Variants in ZNF692 observed in about 807,000 individuals in gnomAD.
The protein encoded by ZNF692 is AICAR responsive element binding protein.
ZNF692 carries 41 observed loss-of-function variants against 49.0 expected under a neutral mutation model. The observed-to-expected ratio is 0.84, with a 90% CI of 0.65 to 1.08. ZNF692 has a LOEUF of 1.08. Ranked by LOEUF, ZNF692 falls within the 50% of genes least tolerant of loss-of-function variation. The pLI, the probability that ZNF692 is intolerant of heterozygous loss-of-function variation, is 0.00. For synonymous variants in ZNF692, 288 were observed against 251.5 expected, an observed-to-expected ratio of 1.15 and a Z score of -1.37; for missense variants, 662 against 662.2, an observed-to-expected ratio of 1.00 and a Z score of 0.00.
At chr1:248,856,944 C>A (rs1660309976) in intron 4 of ZNF692, among the ~76,000 whole-genome samples, 1 of 152,178 alleles carries the variant, frequency 6.6e-6, no homozygotes, top group African/African-American at 2.4e-5. Context: ...CCATAGGCAA[C>A]CTGGTTTTCT....
Position 248,858,100 on chromosome 1 carries a change from C to T in ZNF692, c.179+31G>A, listed in dbSNP as rs780725477. The T allele has an allele frequency of 6.4e-7, 1 of 1,553,502 alleles. No homozygotes were observed. The highest frequency in any genetic ancestry group is 8.7e-7 in the Non-Finnish European group (1 of 1,153,158). Reference sequence around the variant, plus strand: ...AGGCTAGGGGCTGCTGCCTGGGTACCCTCCCCCAAGCCCTTCTCCCGGCCC... The same window carrying T: ...AGGCTAGGGGCTGCTGCCTGGGTACTCTCCCCCAAGCCCTTCTCCCGGCCC... On this transcript the variant is annotated intron_variant, in intron 2 of 11. Transcript: ENST00000306601. The surrounding 1 kb of genome is among the most constrained non-coding windows in gnomAD (Gnocchi z 4.3).
chr1:248,850,285 A>G lies in ZNF692; in HGVS notation c.1485T>C (p.Pro495=). 4 of 1,607,408 alleles carry G rather than the reference A, an allele frequency of 2.5e-6. No individual in the cohort carries two copies. The highest frequency in any genetic ancestry group is 3.4e-6 in the Non-Finnish European group (4 of 1,175,720). Residue 495 remains proline, a synonymous_variant, in exon 12 of 12, where the codon CCT becomes CCC. Transcript: ENST00000306601. ...PLEPCPSISA[P]GPLGSSEGSR... Reference sequence around the variant, plus strand: ...ACCCCTCGCTGGATCCCAGAGGCCCAGGGGCAGAGATGCTGGGACAGGGCT... The same window carrying G: ...ACCCCTCGCTGGATCCCAGAGGCCCGGGGGCAGAGATGCTGGGACAGGGCT...
intron 10 of ZNF692, among the ~76,000 whole-genome samples, chr1:248,851,576 C>CT (rs1659598429): frequency 1.3e-5 from 2 of 150,028 alleles, no homozygotes; most frequent in South Asian, 4.2e-4. Flanking sequence ...CAGCCTCCTC[C>CT]TTTGGCCCCA....
At position 248,858,553 on chromosome 1, in the gene ZNF692, G is replaced by C. The variant is rs367816254; in HGVS notation, c.-12-232C>G. 24 of 1,551,618 alleles carry C rather than the reference G, an allele frequency of 1.5e-5. No individual in the cohort carries two copies. The African/African-American group carries it at 2.9e-4, about 19-fold the overall frequency. Reference sequence around the variant, plus strand: ...GGTGGGAGGCAGGCAGACAGAAGCAGTCAGAACAAAGGCCTGCGCCCTCCA... The same window carrying C: ...GGTGGGAGGCAGGCAGACAGAAGCACTCAGAACAAAGGCCTGCGCCCTCCA... On this transcript the variant is annotated intron_variant, in intron 1 of 11. Transcript: ENST00000306601. The surrounding 1 kb of genome is among the most constrained non-coding windows in gnomAD (Gnocchi z 4.3).
intron 10 of ZNF692, among the ~76,000 whole-genome samples, chr1:248,851,467 A>G (rs1334339456): frequency 1.3e-5 from 2 of 152,080 alleles, no homozygotes; most frequent in Non-Finnish European, 2.9e-5. Context: ...GGTGTACAGT[A>G]AAAAAGGTGT....
Position 248,855,872 on chromosome 1 carries a change from G to A in ZNF692, c.734C>T (p.Ala245Val), listed in dbSNP as rs1478447229. 1.9e-5 allele frequency: 31 copies of A among 1,614,096 alleles called. No individual in the cohort carries two copies. The highest frequency in any genetic ancestry group is 2.5e-5 in the Non-Finnish European group (30 of 1,180,056). The change falls in exon 7 of 12, where the codon GCC becomes GTC. Residue 245 changes from alanine (A) to valine (V), a missense_variant. Physicochemically the swap from Ala to Val is moderately conservative, Grantham distance 64 (BLOSUM62 0). Coordinates refer to ENST00000306601, the MANE Select transcript of ZNF692 (RefSeq NM_017865.4). ...AAGAGGACTGGAGAGTGCTGCAGGG[G>A]CTGGTGGTGTCTCCCCCTCTTTAGG... ...CTPKEGETPPAPAALSSPLAV... is the reference protein window; with the variant it reads ...CTPKEGETPPVPAALSSPLAV...
chr1:248,856,652 T>C lies in ZNF692; in HGVS notation c.476-90A>G, dbSNP rs199671597. ...TCTAAGGTCTGAAGTGATGGGAGAC[T>C]CCTCTTTTTTTTTTAAATAGAGACG... On this transcript the variant is annotated intron_variant, in intron 4 of 11. Coordinates refer to ENST00000306601, the MANE Select transcript of ZNF692 (RefSeq NM_017865.4). 6.7e-6 allele frequency: 10 copies of C among 1,497,914 alleles called. No homozygotes were observed. In the East Asian group the frequency reaches 1.6e-4, roughly 24 times the overall value. 92.8% of individuals were successfully genotyped at this position (1,497,914 alleles called of 1,614,324 possible).
intron 2 of ZNF692, 131 bp from the exon 3 acceptor site, chr1:248,857,990 T>C: frequency 6.5e-7 from 1 of 1,548,844 alleles, no homozygotes. Flanking sequence ...AGCAGGACCC[T>C]CGGAGGCCAC....
rs1660580283 is a variant in ZNF692, at chr1:248,858,928, CCACGCGCCCT to C, written c.-33_-24del. ...CCACCCCGGCCTTACCTGTGCGCCC[CCACGCGCCCT>C]CACCCCCACTGCGCCTGCGCCTGCG... On this transcript the variant is annotated 5_prime_UTR_variant, in exon 1 of 12. Transcript: ENST00000306601. The surrounding 1 kb of genome is among the most constrained non-coding windows in gnomAD (Gnocchi z 4.3). 1.7e-5 allele frequency: 4 copies of C among 235,056 alleles called. 1 individual carries two copies. The South Asian group carries it at 2.4e-4, about 14-fold the overall frequency. The allele number at this position is 235,056 out of a possible 1,614,324, so 14.6% of individuals were successfully genotyped here.
At chr1:248,857,767 T>A in intron 3 of ZNF692, 61 bp downstream of exon 3, 1 of 1,589,834 alleles carries the variant, frequency 6.3e-7, no homozygotes, top group African/African-American at 1.3e-5. Context: ...GGAGGGTGTT[T>A]CTGGGTCACC....
rs1435310237 is a variant in ZNF692 at position 248,856,290 on chromosome 1, A to G, written c.657T>C (p.Asp219=). ...ASLWTYSSSP[D]DSEPDAPRLL... The stretch of plus-strand genomic sequence containing the variant: ...ATTCTCCCTCAACCCCAACTTGCTC[A>G]TCTGGGGAGGAGCTGTAGGTCCATA... Residue 219 remains aspartate (D), a splice_region_variant and synonymous_variant, in exon 6 of 12, where the codon GAT becomes GAC. Transcript: ENST00000306601. 6.3e-7 allele frequency: 1 copy of G among 1,580,746 alleles called. No homozygotes were observed. Among genetic ancestry groups the G allele is most frequent in the African/African-American group, 1.4e-5 (1 of 74,038 alleles).
At position 248,858,491 on chromosome 1, in the gene ZNF692, G is replaced by T; in HGVS notation, c.-12-170C>A. On this transcript the variant is annotated intron_variant, in intron 1 of 11. Transcript: ENST00000306601. The surrounding 1 kb of genome is among the most constrained non-coding windows in gnomAD (Gnocchi z 4.3). ...CAAACCCCGTCCTTCTATGATACAG[G>T]GTGTTGAAGCTCAGCGCTACCATGT... The T allele has an allele frequency of 6.4e-7, 1 of 1,551,748 alleles. No individual in the cohort carries two copies. The highest frequency in any genetic ancestry group is 2.0e-5 in the Admixed American group (1 of 51,012).
Position 248,850,355 on chromosome 1 carries a change from G to A in ZNF692, c.1415C>T (p.Pro472Leu), listed in dbSNP as rs775806847. The change falls in exon 12 of 12, where the codon CCA (proline) becomes CTA (leucine). Residue 472 changes from proline to leucine, a missense_variant. Coordinates refer to ENST00000306601, the MANE Select transcript of ZNF692 (RefSeq NM_017865.4). ...CTCTTGAGGGGCTAGAAGCAGGGCT[G>A]GGTGACTTTTGCTACGGTGGGCTGC... Reference protein sequence around the residue: ...SVAAHRSKSHPALLLAPQESP... With the variant: ...SVAAHRSKSHLALLLAPQESP... The A allele has an allele frequency of 1.2e-6, 2 of 1,614,002 alleles. No homozygotes were observed. The highest frequency in any genetic ancestry group is 1.7e-6 in the Non-Finnish European group (2 of 1,180,034).
intron 9 of ZNF692, chr1:248,854,288 T>C: frequency 2.1e-6 from 1 of 477,996 alleles, no homozygotes; most frequent in East Asian, 3.6e-5. Context: ...CCCAATTCTG[T>C]GCTTTACTTC....
chr1:248,857,537 TCTC>T (rs1367327170), intron 3 of ZNF692, 40 bp from the exon 4 acceptor site: 2 of 1,582,764 alleles, frequency 1.3e-6, no homozygotes, highest in African/African-American at 1.4e-5. Flanking sequence ...AACTGGGAAG[TCTC>T]CTCCTCTTAC....
intron 6 of ZNF692, 67 bp from the exon 7 acceptor site, chr1:248,856,013 C>A: frequency 6.7e-7 from 1 of 1,502,950 alleles, no homozygotes; most frequent in South Asian, 1.2e-5. Flanking sequence ...CTGCCCGACC[C>A]TAGCCCCTAA....
At chr1:248,853,882 A>ACCCACAAAGGAAGGTAAAAGGT (rs1491446148) in intron 10 of ZNF692, 55 bp downstream of exon 10, 3 of 1,401,264 alleles carry the variant, frequency 2.1e-6, no homozygotes, top group Non-Finnish European at 3.0e-6. Context: ...GGGTGACGGG[A>ACCCACAAAGGAAGGTAAAAGGT]CCCACAAAGG....
chr1:248,854,046 G>A lies in ZNF692; in HGVS notation c.1044C>T (p.His348=), dbSNP rs1359667121. The stretch of plus-strand genomic sequence containing the variant: ...TCTGGTGGATGTGCTGGTACTTTTT[G>A]TGGTGCTAGAGAAGGAAGTGGGTGG... ...IFSNRQYLNH[H]KKYQHIHQKS... The change falls in exon 10 of 12, where the codon CAC becomes CAT. Residue 348 remains histidine, a synonymous_variant. Coordinates refer to ENST00000306601, the MANE Select transcript of ZNF692 (RefSeq NM_017865.4). The A allele has an allele frequency of 1.2e-6, 2 of 1,613,904 alleles. No individual in the cohort carries two copies. Among genetic ancestry groups the A allele is most frequent in the East Asian group, 2.2e-5 (1 of 44,880 alleles).
intron 3 of ZNF692, 39 bp downstream of exon 3, chr1:248,857,789 C>T: frequency 6.2e-7 from 1 of 1,609,176 alleles, no homozygotes; most frequent in Non-Finnish European, 8.5e-7. Flanking sequence ...TGTGGTCCCT[C>T]TTCCCTCTGG....
Sources: gnomAD v4.1 joint callset for allele counts (sites outside exome capture counted in the v4.1 genomes callset) on GRCh38, gnomAD v4.1.1 for gene constraint, Gnocchi (gnomAD v3.1) non-coding constraint, MANE v1.5 for transcripts, NCBI Gene and HGNC (gene_info 2026-07-23, HGNC 2026-07-21) for gene names.